FNBP1: variants seen among roughly 807,000 people sequenced by gnomAD.
FNBP1 encodes the protein formin binding protein 1.
Under a neutral mutation model 90.6 loss-of-function variants are expected in FNBP1, and 26 were observed. That is an observed-to-expected ratio of 0.29 (90% CI 0.21 to 0.40). The LOEUF (loss-of-function observed/expected upper bound fraction) is 0.40. Among genes scored for constraint, FNBP1 ranks in the 10% least tolerant of loss-of-function variants. The probability of loss-of-function intolerance (pLI) is 1.00; values close to 1 mark genes in which losing one functional copy is unlikely to be tolerated. For synonymous variants in FNBP1, 260 were observed against 265.2 expected (o/e 0.98, Z 0.19); for missense variants, 635 against 768.0 (o/e 0.83, Z 2.05).
intron 8 of FNBP1, among the ~76,000 whole-genome samples, chr9:129,925,582 C>G (rs1473112550): frequency 7.7e-6 from 1 of 129,198 alleles, no homozygotes; most frequent in Non-Finnish European, 1.6e-5. Flanking sequence ...AACTTTTTTC[C>G]TAGTAGCTTT....
intron 8 of FNBP1, among the ~76,000 whole-genome samples, chr9:129,926,052 A>G (rs2041859689): frequency 6.6e-6 from 1 of 151,660 alleles, no homozygotes; most frequent in East Asian, 1.9e-4. Context: ...GCTCACTGCA[A>G]TCCCTGCCTC....
intron 1 of FNBP1, among the ~76,000 whole-genome samples, chr9:130,028,115 C>G (rs1342892249): frequency 6.6e-6 from 1 of 152,194 alleles, no homozygotes; most frequent in Non-Finnish European, 1.5e-5. Flanking sequence ...TCACACAGAT[C>G]TGCCTAGATT....
chr9:130,022,571 A>C (rs2057943382), intron 1 of FNBP1, among the ~76,000 whole-genome samples: 1 of 152,274 alleles, frequency 6.6e-6, no homozygotes, highest in Non-Finnish European at 1.5e-5. Context: ...AGTTACAAGT[A>C]GAAAATGAGT....
chr9:129,920,476 AT>A (rs1258385330), intron 10 of FNBP1, among the ~76,000 whole-genome samples: 1 of 151,904 alleles, frequency 6.6e-6, no homozygotes, highest in Non-Finnish European at 1.5e-5. Context: ...TAATTTTTGT[AT>A]TTTTAGTAGA....
upstream of FNBP1, among the ~76,000 whole-genome samples, chr9:130,045,270 A>G (rs1242013975): frequency 6.6e-5 from 10 of 152,294 alleles, no homozygotes; most frequent in South Asian, 2.1e-3. Flanking sequence ...AGTGAGTTGG[A>G]GGGGGAAATT....
intron 6 of FNBP1, among the ~76,000 whole-genome samples, chr9:129,939,303 C>T (rs1054326059): frequency 9.9e-5 from 15 of 151,354 alleles, no homozygotes; most frequent in Admixed American, 2.6e-4. Context: ...GCAGGAGAAT[C>T]GCTTGAACTC....
Position 129,972,226 on chromosome 9 carries a change from C to T in FNBP1, c.345+6239G>A, listed in dbSNP as rs1030279439. On this transcript the variant is annotated intron_variant, in intron 4 of 16. Transcript: ENST00000446176. The stretch of plus-strand genomic sequence containing the variant: ...TCAGCTCACTGCAACCTCTGCCTCC[C>T]GGGTTCAAGCGATTCTCCTGCCTCA... Among the ~76,000 whole-genome samples the T allele has an allele frequency of 7.6e-4, 115 of 152,164 alleles. 1 individual carries two copies. Among genetic ancestry groups the T allele is most frequent in the Non-Finnish European group, 2.6e-4 (18 of 68,000 alleles).
At chr9:130,039,775 G>A (rs1274896210) in intron 1 of FNBP1, among the ~76,000 whole-genome samples, 3 of 152,054 alleles carry the variant, frequency 2.0e-5, no homozygotes, top group Admixed American at 2.0e-4. Flanking sequence ...CTACAAAGCA[G>A]GATGTGGCTT....
At position 129,907,580 on chromosome 9, in the gene FNBP1, G is replaced by GGGGTGT. The variant is rs942734835; in HGVS notation, c.1295+1309_1295+1310insACACCC. On this transcript the variant is annotated intron_variant, in intron 12 of 16. Transcript: ENST00000446176. The stretch of plus-strand genomic sequence containing the variant: ...ATCCTTAGCTCTTGCTAGGAGTGAG[G>GGGGTGT]GTGTGTGTGTGTGTGTGTGTGTGTG... 3.5e-3 allele frequency among the ~76,000 whole-genome samples: 508 copies of GGGGTGT among 147,182 alleles called. 1 individual carries two copies. The highest frequency in any genetic ancestry group is 8.8e-3 in the African/African-American group (349 of 39,754).
chr9:129,977,091 G>A (rs775823933), intron 4 of FNBP1, among the ~76,000 whole-genome samples: 12 of 151,932 alleles, frequency 7.9e-5, no homozygotes, highest in Non-Finnish European at 1.5e-4. Flanking sequence ...CCCGGGGGGC[G>A]GAGGTTTCAG....
At chr9:130,027,881 C>T (rs1210830908) in intron 1 of FNBP1, among the ~76,000 whole-genome samples, 7 of 151,552 alleles carry the variant, frequency 4.6e-5, no homozygotes, top group South Asian at 2.1e-4. Flanking sequence ...ATCCTAAAAG[C>T]GCAAGAAAAA....
chr9:129,903,948 A>C (rs1354181634), intron 12 of FNBP1, among the ~76,000 whole-genome samples: 1 of 152,176 alleles, frequency 6.6e-6, no homozygotes, highest in East Asian at 1.9e-4. Context: ...TAGGCAGGAG[A>C]ATCACTTGAA....
At chr9:129,942,677 C>T (rs1365520949) in intron 6 of FNBP1, among the ~76,000 whole-genome samples, 1 of 152,172 alleles carries the variant, frequency 6.6e-6, no homozygotes, top group Non-Finnish European at 1.5e-5. Flanking sequence ...GGTAATTTCA[C>T]ATTTTATAGG....
chr9:129,997,977 A>C (rs909668864), intron 1 of FNBP1, among the ~76,000 whole-genome samples: 1 of 150,442 alleles, frequency 6.6e-6, no homozygotes, highest in African/African-American at 2.5e-5. Context: ...ACTTGAGGTC[A>C]GGAGTTTGAG....
At chr9:129,899,684 G>A (rs1419221508) in intron 15 of FNBP1, among the ~76,000 whole-genome samples, 1 of 151,384 alleles carries the variant, frequency 6.6e-6, no homozygotes, top group African/African-American at 2.4e-5. Context: ...AGCCATGATT[G>A]CACCACTGCA....
rs763766317 is a variant in FNBP1 at position 129,909,071 on chromosome 9, C to T, written c.1186-72G>A. ...CTTGAAAGAAGGCTGAAAGCAAAGCCTGCAGCCATGGGGGGTGCAGACATC... is the reference window on the plus strand; with the variant it reads ...CTTGAAAGAAGGCTGAAAGCAAAGCTTGCAGCCATGGGGGGTGCAGACATC... On this transcript the variant is annotated intron_variant, in intron 11 of 16. Transcript: ENST00000446176. 9 of 982,174 alleles carry T rather than the reference C, an allele frequency of 9.2e-6. No homozygotes were observed. In the African/African-American group the frequency reaches 1.7e-4, roughly 19 times the overall value. 60.8% of individuals were successfully genotyped at this position (982,174 alleles called of 1,614,324 possible).
At chr9:130,045,643 T>A (rs143154656), upstream of FNBP1, among the ~76,000 whole-genome samples, 1 of 152,312 alleles carries the variant, frequency 6.6e-6, no homozygotes, top group East Asian at 1.9e-4. Context: ...TCTATGGATG[T>A]GAGTTAATTA....
intron 1 of FNBP1, among the ~76,000 whole-genome samples, chr9:130,016,317 C>T (rs1024421710): frequency 3.3e-5 from 5 of 152,140 alleles, no homozygotes; most frequent in African/African-American, 1.2e-4. Flanking sequence ...TTGTGAAACT[C>T]CACTTACCAG....
At chr9:129,987,429 T>C (rs1007845803) in intron 2 of FNBP1, among the ~76,000 whole-genome samples, 1 of 152,112 alleles carries the variant, frequency 6.6e-6, no homozygotes, top group Non-Finnish European at 1.5e-5. Flanking sequence ...ATTATTTTCC[T>C]AATCTTTTAT....
Sources: allele counts gnomAD v4.1 joint callset (sites outside exome capture counted in the v4.1 genomes callset), GRCh38; gene constraint gnomAD v4.1.1; transcripts MANE v1.5; gene names NCBI Gene and HGNC (gene_info 2026-07-23, HGNC 2026-07-21).